Variants in UNC13A observed in about 807,000 individuals in gnomAD.
UNC13A encodes the protein unc-13 homolog A, also known as protein unc-13 homolog A.
In UNC13A, 61 loss-of-function variants were observed where a neutral mutation model predicts 219.7. The ratio of observed to expected loss-of-function variants is 0.28; its 90% CI spans 0.23 to 0.34. The LOEUF (loss-of-function observed/expected upper bound fraction) is 0.34. UNC13A is among the 10% of genes least tolerant of loss of function. The pLI is 1.00. For synonymous variants in UNC13A, 920 were observed against 884.6 expected, an observed-to-expected ratio of 1.04 and a Z score of -0.71; for missense variants, 1,476 against 2,270.3, an observed-to-expected ratio of 0.65 and a Z score of 7.11.
intron 4 of UNC13A, 82 bp from the exon 5 acceptor site, chr19:17,669,758 C>A (rs2079742404): frequency 6.8e-7 from 1 of 1,465,346 alleles, no homozygotes; most frequent in African/African-American, 1.4e-5. Flanking sequence ...CATGAGACAT[C>A]CCCCTCACCC....
chr19:17,660,557 A>G, intron 8 of UNC13A, among the ~76,000 whole-genome samples: 1 of 140,398 alleles, frequency 7.1e-6, no homozygotes, highest in South Asian at 2.2e-4. Context: ...TTTGAGACAG[A>G]GTCTCGCTCT....
chr19:17,656,705 A>T (rs1050529847), intron 9 of UNC13A, among the ~76,000 whole-genome samples: 1 of 152,034 alleles, frequency 6.6e-6, no homozygotes, highest in Non-Finnish European at 1.5e-5. Flanking sequence ...TACAAAAATT[A>T]GCTGCGCATG....
chr19:17,618,448 A>C lies in UNC13A; in HGVS notation c.4383T>G (p.Val1461=). 1 of 1,590,046 alleles carries C rather than the reference A, an allele frequency of 6.3e-7. No individual in the cohort carries two copies. Among genetic ancestry groups the C allele is most frequent in the South Asian group, 1.1e-5 (1 of 87,628 alleles). ...TGATGGTGTCCAGGGCCAACTCAAC[A>C]ACCGCGCACTGCTTTGGGGTCAAGC... ...AKSLTPKQCA[V]VELALDTIKQ... Residue 1461 remains valine (V), a synonymous_variant, in exon 40 of 44, where the codon GTT becomes GTG. Coordinates refer to ENST00000519716, the MANE Select transcript of UNC13A (RefSeq NM_001080421.3).
intron 6 of UNC13A, among the ~76,000 whole-genome samples, chr19:17,667,776 A>ATTTTTT (rs34197880): frequency 9.3e-6 from 1 of 108,058 alleles, no homozygotes; most frequent in African/African-American, 3.9e-5. Context: ...AGCCTGGCTA[A>ATTTTTT]TTTTTTTTTT....
chr19:17,653,789 T>C (rs984158629), intron 11 of UNC13A, among the ~76,000 whole-genome samples: 5 of 151,166 alleles, frequency 3.3e-5, no homozygotes, highest in African/African-American at 9.7e-5. Flanking sequence ...TCCTGAAATA[T>C]TGTTGAAATA....
Position 17,606,051 on chromosome 19 carries a change from G to T in UNC13A, c.*3C>A. On this transcript the variant is annotated 3_prime_UTR_variant, in exon 44 of 44. Transcript: ENST00000519716. ...CGCAGTGCCGCTCGGCCGACCGCCCGCGCTAAGGCGCAGGCGCGGCACCGC... is the reference window on the plus strand; with the variant it reads ...CGCAGTGCCGCTCGGCCGACCGCCCTCGCTAAGGCGCAGGCGCGGCACCGC... The T allele has an allele frequency of 6.5e-7, 1 of 1,529,722 alleles. No individual in the cohort carries two copies. Among genetic ancestry groups the T allele is most frequent in the Non-Finnish European group, 8.7e-7 (1 of 1,144,838 alleles). The allele number at this position is 1,529,722 out of a possible 1,614,324, so 94.8% of individuals were successfully genotyped here. A position where few individuals can be genotyped will look rare whatever the true frequency, so the allele number is the denominator to read the frequency against.
chr19:17,618,565 T>C lies in UNC13A; in HGVS notation c.4330-64A>G, dbSNP rs2076693292. The C allele has an allele frequency of 3.3e-6, 5 of 1,494,700 alleles. No homozygotes were observed. In the Admixed American group the frequency reaches 7.8e-5, roughly 23 times the overall value. The allele number at this position is 1,494,700 out of a possible 1,614,324, so 92.6% of individuals were successfully genotyped here. A position where few individuals can be genotyped will look rare whatever the true frequency, so the allele number is the denominator to read the frequency against. On this transcript the variant is annotated intron_variant, in intron 39 of 43. Coordinates refer to ENST00000519716, the MANE Select transcript of UNC13A (RefSeq NM_001080421.3). Reference sequence around the variant, plus strand: ...GCTCCACCTTTGGAATCTGTGTCTATGGGTCTCATCCCTGTTCAACTTGGA... The same window carrying C: ...GCTCCACCTTTGGAATCTGTGTCTACGGGTCTCATCCCTGTTCAACTTGGA...
intron 19 of UNC13A, 126 bp downstream of exon 19, chr19:17,645,548 C>A: frequency 7.3e-7 from 1 of 1,364,326 alleles, no homozygotes. Context: ...CCTGCCTCCC[C>A]CATCAGATTA....
At chr19:17,645,045 G>A (rs1362035239) in intron 19 of UNC13A, among the ~76,000 whole-genome samples, 7 of 129,154 alleles carry the variant, frequency 5.4e-5, no homozygotes, top group African/African-American at 9.3e-5. Context: ...TTTTGCTCTC[G>A]TTGCCTAGGC....
intron 8 of UNC13A, among the ~76,000 whole-genome samples, chr19:17,662,716 C>G (rs28706729): frequency 0.019 from 2,929 of 152,038 alleles, 76 homozygotes; most frequent in African/African-American, 0.067. Flanking sequence ...GTCAGGAGAT[C>G]GAGACCCTCC....
intron 8 of UNC13A, among the ~76,000 whole-genome samples, chr19:17,659,074 GAA>G (rs57430221): frequency 0.34 from 52,104 of 151,336 alleles, 10,414 homozygotes; most frequent in Middle Eastern, 0.48. Context: ...TGTACCTTCT[GAA>G]AAAAAAGATT....
At chr19:17,625,605 C>T (rs1278980261) in intron 34 of UNC13A, among the ~76,000 whole-genome samples, 1 of 152,044 alleles carries the variant, frequency 6.6e-6, no homozygotes, top group Non-Finnish European at 1.5e-5. Context: ...ATCCATTTAT[C>T]TATCCATCCA....
At chr19:17,622,213 T>C (rs2076736788) in intron 36 of UNC13A, among the ~76,000 whole-genome samples, 2 of 152,212 alleles carry the variant, frequency 1.3e-5, no homozygotes, top group South Asian at 4.1e-4. Context: ...GGTTCTTGGG[T>C]TAACAGGAAA....
intron 19 of UNC13A, among the ~76,000 whole-genome samples, chr19:17,645,369 C>G (rs2077015150): frequency 2.0e-5 from 3 of 152,078 alleles, no homozygotes; most frequent in Non-Finnish European, 4.4e-5. Flanking sequence ...GTCTCTGTCT[C>G]TCCCCTCAGA....
chr19:17,616,506 C>G, intron 41 of UNC13A: 1 of 616,990 alleles, frequency 1.6e-6, no homozygotes, highest in Non-Finnish European at 2.9e-6. Context: ...AGGTGGGAAG[C>G]ATGGGGAGCG....
At chr19:17,672,670 G>A (rs561463214) in intron 3 of UNC13A, among the ~76,000 whole-genome samples, 175 bp from the exon 4 acceptor site, 4 of 152,192 alleles carry the variant, frequency 2.6e-5, no homozygotes, top group Non-Finnish European at 5.9e-5. Context: ...GGAAACTGAG[G>A]CCAGTGGGGG....
chr19:17,652,177 G>A (rs113095611), intron 12 of UNC13A, among the ~76,000 whole-genome samples: 18,727 of 152,002 alleles, frequency 0.12, 1,422 homozygotes, highest in African/African-American at 0.22. Flanking sequence ...TGTCTCCCAG[G>A]CTGGAGTGCA....
Position 17,649,283 on chromosome 19 carries a change from C to T in UNC13A, c.1524+56G>A, listed in dbSNP as rs915582163. Reference sequence around the variant, plus strand: ...ATGAATTGGGGGCCTGTTAGAAGATCCCAGTGGGGGAGTTTGGGGAGAAGA... The same window carrying T: ...ATGAATTGGGGGCCTGTTAGAAGATTCCAGTGGGGGAGTTTGGGGAGAAGA... On this transcript the variant is annotated intron_variant, in intron 14 of 43. Transcript: ENST00000519716. The surrounding 1 kb of genome is among the most constrained non-coding windows in gnomAD (Gnocchi z 4.4). The T allele has an allele frequency of 6.5e-7, 1 of 1,548,240 alleles. No homozygotes were observed. Among genetic ancestry groups the T allele is most frequent in the Non-Finnish European group, 8.7e-7 (1 of 1,153,252 alleles).
chr19:17,649,005 G>T lies in UNC13A; in HGVS notation c.1525-22C>A. The T allele has an allele frequency of 6.3e-7, 1 of 1,581,664 alleles. No individual in the cohort carries two copies. The highest frequency in any genetic ancestry group is 2.3e-5 in the East Asian group (1 of 43,478). On this transcript the variant is annotated intron_variant, in intron 14 of 43. Transcript: ENST00000519716. The surrounding 1 kb of genome is among the most constrained non-coding windows in gnomAD (Gnocchi z 4.4). Reference sequence around the variant, plus strand: ...GGGACTGGGGAGGTCACAGAAGAGGGAGTCGGGGGGGTTGACATCCATGAG... The same window carrying T: ...GGGACTGGGGAGGTCACAGAAGAGGTAGTCGGGGGGGTTGACATCCATGAG...
Sources: gnomAD v4.1 joint callset for allele counts (sites outside exome capture counted in the v4.1 genomes callset) on GRCh38, gnomAD v4.1.1 for gene constraint, Gnocchi (gnomAD v3.1) non-coding constraint, MANE v1.5 for transcripts, NCBI Gene and HGNC (gene_info 2026-07-23, HGNC 2026-07-21) for gene names.